Variants in APPL2 observed in about 807,000 individuals in gnomAD.
The protein encoded by APPL2 is adaptor protein, phosphotyrosine interacting with PH domain and leucine zipper 2.
In APPL2, 84 loss-of-function variants were observed where a neutral mutation model predicts 92.7. The ratio of observed to expected loss-of-function variants is 0.91; its 90% CI spans 0.76 to 1.09. The LOEUF is 1.09. Among genes scored for constraint, APPL2 ranks in the 50% least tolerant of loss-of-function variants. The pLI, the probability that APPL2 is intolerant of heterozygous loss-of-function variation, is 0.00. For missense variants in APPL2, 736 were observed against 824.5 expected, an observed-to-expected ratio of 0.89 and a Z score of 1.31; for synonymous variants, 291 against 291.0, an observed-to-expected ratio of 1.00 and a Z score of 0.00.
chr12:105,186,656 C>CACATATATGAT (rs1886690533), intron 17 of APPL2, among the ~76,000 whole-genome samples: 1 of 47,676 alleles, frequency 2.1e-5, no homozygotes, highest in South Asian at 1.2e-3. Flanking sequence ...ATATCGATAT[C>CACATATATGAT]ATATATATCA....
intron 17 of APPL2, among the ~76,000 whole-genome samples, chr12:105,179,272 T>C (rs1198630505): frequency 6.6e-6 from 1 of 152,190 alleles, no homozygotes; most frequent in African/African-American, 2.4e-5. Context: ...TTGCTGAGAA[T>C]GATGGTTTCC....
At chr12:105,208,879 G>A (rs2136013574) in intron 5 of APPL2, among the ~76,000 whole-genome samples, 1 of 152,290 alleles carries the variant, frequency 6.6e-6, no homozygotes, top group Admixed American at 6.5e-5. Context: ...AAAAGAAAGT[G>A]ACACTTTCTA....
chr12:105,205,429 A>G (rs1888615807), intron 8 of APPL2, among the ~76,000 whole-genome samples: 1 of 152,158 alleles, frequency 6.6e-6, no homozygotes, highest in Non-Finnish European at 1.5e-5. Flanking sequence ...CATGTGTGCT[A>G]CGGTACCCAC....
intron 4 of APPL2, among the ~76,000 whole-genome samples, chr12:105,212,238 C>A (rs1592814342): frequency 6.6e-6 from 1 of 152,264 alleles, no homozygotes; most frequent in East Asian, 1.9e-4. Flanking sequence ...ATGCTCCTCA[C>A]CAGATGATTT....
In APPL2 at chr12:105,207,184, C is replaced by T. The variant is rs946696821; in HGVS notation, c.498G>A (p.Glu166=). Residue 166 remains glutamate (E), a synonymous_variant, in exon 8 of 21, where the codon GAG becomes GAA. Coordinates refer to ENST00000258530, the MANE Select transcript of APPL2 (RefSeq NM_018171.5). The part of the protein sequence containing the change: ...NEKVKTEVGK[E]VAAARRKQHL... ...GCTGCTTCCGCCGGGCCGCGGCCAC[C>T]TCTTTTCCGACTTCGGTCTTCACCT... 2 of 1,613,766 alleles carry T rather than the reference C, an allele frequency of 1.2e-6. No individual in the cohort carries two copies. Among genetic ancestry groups the T allele is most frequent in the Admixed American group, 1.7e-5 (1 of 59,902 alleles).
At position 105,207,137 on chromosome 12, in the gene APPL2, T is replaced by C. The variant is rs1888774427; in HGVS notation, c.545A>G (p.Tyr182Cys). 1.9e-6 allele frequency: 3 copies of C among 1,614,140 alleles called. No individual in the cohort carries two copies. The highest frequency in any genetic ancestry group is 1.3e-5 in the African/African-American group (1 of 75,040). ...RKQHLSSLQY[Y>C]CALNALQYRK... ...GTACTGCAGCGCGTTGAGGGCACAG[T>C]AGTACTGAAGGGAGGAGAGGTGCTG... is the stretch of plus-strand genomic sequence containing the variant. Residue 182 changes from tyrosine (Y) to cysteine (C), a missense_variant, in exon 8 of 21, where the codon TAC (tyrosine) becomes TGC (cysteine). Physicochemically the swap from Tyr to Cys is radical, Grantham distance 194 (BLOSUM62 -2). Transcript: ENST00000258530.
rs1887088596 is a variant in APPL2, at chr12:105,190,266, C to G, written c.1242-111G>C. 4.3e-6 allele frequency: 5 copies of G among 1,157,840 alleles called. No homozygotes were observed. The South Asian group carries it at 7.6e-5, about 18-fold the overall frequency. The allele number at this position is 1,157,840 out of a possible 1,614,324, so 71.7% of individuals were successfully genotyped here. A position where few individuals can be genotyped will look rare whatever the true frequency, so the allele number is the denominator to read the frequency against. ...ATGAAAATACAAGGGGAAAGATTGACCTCAATCCCTTAATCCATTCTACAA... is the reference window on the plus strand; with the variant it reads ...ATGAAAATACAAGGGGAAAGATTGAGCTCAATCCCTTAATCCATTCTACAA... On this transcript the variant is annotated intron_variant, in intron 14 of 20. Coordinates refer to ENST00000258530, the MANE Select transcript of APPL2 (RefSeq NM_018171.5).
intron 17 of APPL2, among the ~76,000 whole-genome samples, chr12:105,182,152 A>G (rs1886171801): frequency 6.6e-6 from 1 of 152,126 alleles, no homozygotes; most frequent in South Asian, 2.1e-4. Flanking sequence ...CAGCCTCTCC[A>G]GTAGCTGGGA....
intron 17 of APPL2, among the ~76,000 whole-genome samples, chr12:105,177,780 C>G (rs1303090945): frequency 2.0e-5 from 3 of 152,002 alleles, no homozygotes; most frequent in African/African-American, 4.8e-5. Context: ...AATATATTTC[C>G]TTGTTTTAAT....
At chr12:105,193,330 T>C (rs1030411660) in intron 14 of APPL2, among the ~76,000 whole-genome samples, 6 of 152,132 alleles carry the variant, frequency 3.9e-5, no homozygotes, top group African/African-American at 1.4e-4. Context: ...ATATCAGAGC[T>C]AGAAGGGTCC....
chr12:105,208,853 C>A (rs1196753), intron 5 of APPL2, among the ~76,000 whole-genome samples: 124,963 of 152,190 alleles, frequency 0.82, 51,624 homozygotes, highest in East Asian at 1. Flanking sequence ...ACTTAAAAAC[C>A]CAACGATTGA....
At position 105,225,449 on chromosome 12, in the gene APPL2, GAAT is replaced by G. The variant is rs1207845763; in HGVS notation, c.153+3673_153+3675del. Among the ~76,000 whole-genome samples, 17 of 152,266 alleles carry G rather than the reference GAAT, an allele frequency of 1.1e-4. No homozygotes were observed. The South Asian group carries it at 2.5e-3, about 22-fold the overall frequency. On this transcript the variant is annotated intron_variant, in intron 2 of 20. Transcript: ENST00000258530. Reference sequence around the variant, plus strand: ...AATTTTAAACCTCTTTAGGAAAGAAGAATATTATGGCCGAGATGCAGAATGAAA... The same window carrying G: ...AATTTTAAACCTCTTTAGGAAAGAAGATTATGGCCGAGATGCAGAATGAAA...
At chr12:105,191,296 C>G (rs1326990777) in intron 14 of APPL2, among the ~76,000 whole-genome samples, 1 of 152,178 alleles carries the variant, frequency 6.6e-6, no homozygotes, top group Admixed American at 6.5e-5. Context: ...CACTCAGTTA[C>G]CTGGTGGGCG....
intron 17 of APPL2, among the ~76,000 whole-genome samples, chr12:105,181,545 C>T (rs1166248658): frequency 6.6e-6 from 1 of 152,150 alleles, no homozygotes; most frequent in Non-Finnish European, 1.5e-5. Context: ...GTACCAGCTC[C>T]TCTTTGTAAC....
chr12:105,217,385 G>A (rs1889777077), intron 3 of APPL2, among the ~76,000 whole-genome samples: 1 of 152,124 alleles, frequency 6.6e-6, no homozygotes, highest in African/African-American at 2.4e-5. Flanking sequence ...TTATTTGAGT[G>A]TTTATTTCCT....
At chr12:105,216,160 GTTT>G (rs886609895) in intron 4 of APPL2, among the ~76,000 whole-genome samples, 1 of 152,036 alleles carries the variant, frequency 6.6e-6, no homozygotes, top group Non-Finnish European at 1.5e-5. Context: ...ACCTGGTTTC[GTTT>G]TTTACAAATA....
intron 16 of APPL2, among the ~76,000 whole-genome samples, chr12:105,189,014 G>GTTTTTTCTT (rs921129391): frequency 6.6e-6 from 1 of 151,940 alleles, no homozygotes; most frequent in African/African-American, 2.4e-5. Flanking sequence ...ACCAAAGAAG[G>GTTTTTTCTT]TTTTTTCTTT....
Position 105,188,334 on chromosome 12 carries a change from C to T in APPL2, c.1573G>A (p.Ala525Thr), listed in dbSNP as rs1422000567. The T allele has an allele frequency of 1.9e-6, 3 of 1,614,076 alleles. No individual in the cohort carries two copies. The highest frequency in any genetic ancestry group is 2.2e-5 in the East Asian group (1 of 44,900). ...EAMRQVLAAR[A>T]IHNIFRMTES... ...GTCATGCGGAAGATGTTATGAATAG[C>T]CCGAGCAGCCAATACTTGTCTCATC... Residue 525 changes from alanine (A) to threonine (T), a missense_variant, in exon 17 of 21, where the codon GCT (alanine) becomes ACT (threonine). By Grantham distance (58) the Ala-to-Thr change is moderately conservative. Transcript: ENST00000258530.
intron 18 of APPL2, 52 bp from the exon 19 acceptor site, chr12:105,177,068 C>A: frequency 6.2e-7 from 1 of 1,611,160 alleles, no homozygotes; most frequent in African/African-American, 1.3e-5. Flanking sequence ...GAATTAAAAA[C>A]TGACAAGGCT....
Sources: gnomAD v4.1 joint callset for allele counts (sites outside exome capture counted in the v4.1 genomes callset) on GRCh38, gnomAD v4.1.1 for gene constraint, MANE v1.5 for transcripts, NCBI Gene and HGNC (gene_info 2026-07-23, HGNC 2026-07-21) for gene names.